The following ZZZ3 variants were observed in gnomAD, a reference collection of about 807,000 sequenced individuals.
The protein encoded by ZZZ3 is ZZ-type zinc finger-containing protein 3.
Under a neutral mutation model 95.2 loss-of-function variants are expected in ZZZ3, and 22 were observed. The ratio of observed to expected loss-of-function variants is 0.23; its 90% CI spans 0.17 to 0.33. The LOEUF (loss-of-function observed/expected upper bound fraction) is 0.33, where lower values mean the gene tolerates loss of function less well. Ranked by LOEUF, ZZZ3 falls within the 10% of genes least tolerant of loss-of-function variation. The pLI is 1.00. For missense variants in ZZZ3, 885 were observed against 1,066.5 expected (o/e 0.83, Z 2.37); for synonymous variants, 335 against 358.9 (o/e 0.93, Z 0.75).
intron 12 of ZZZ3, among the ~76,000 whole-genome samples, chr1:77,570,789 GTAGC>G (rs1661306504): frequency 6.7e-6 from 1 of 149,858 alleles, no homozygotes; most frequent in Non-Finnish European, 1.5e-5. Flanking sequence ...AGCCTCCTCA[GTAGC>G]TGAGATGACA....
intron 1 of ZZZ3, among the ~76,000 whole-genome samples, chr1:77,658,178 CAAAAAAAAAAA>C (rs1186224710): frequency 6.6e-5 from 5 of 76,314 alleles, no homozygotes; most frequent in East Asian, 4.4e-4. Context: ...GACTTTGTCT[CAAAAAAAAAAA>C]AAAAAAAAAA....
At chr1:77,676,751 T>C (rs562111160) in intron 1 of ZZZ3, among the ~76,000 whole-genome samples, 1 of 152,088 alleles carries the variant, frequency 6.6e-6, no homozygotes, top group South Asian at 2.1e-4. Context: ...TTCTTAAGGC[T>C]TGGGGTAAAA....
chr1:77,679,650 CAA>C (rs1672572367), intron 1 of ZZZ3, among the ~76,000 whole-genome samples: 1 of 152,264 alleles, frequency 6.6e-6, no homozygotes, highest in South Asian at 2.1e-4. Context: ...GGAAAAAACT[CAA>C]GTGAGAATAA....
chr1:77,568,730 T>C, intron 12 of ZZZ3, among the ~76,000 whole-genome samples: 1 of 151,434 alleles, frequency 6.6e-6, no homozygotes, highest in Non-Finnish European at 1.5e-5. Flanking sequence ...CGGCCATGAT[T>C]ACCACCTCTG....
intron 3 of ZZZ3, chr1:77,641,120 A>C (rs1313928319): frequency 6.5e-6 from 1 of 153,866 alleles, no homozygotes; most frequent in African/African-American, 2.4e-5. Context: ...CTTTGTACCA[A>C]ACACTGAAGC....
chr1:77,629,077 C>G (rs1211039673), intron 5 of ZZZ3, among the ~76,000 whole-genome samples: 1 of 152,124 alleles, frequency 6.6e-6, no homozygotes, highest in Non-Finnish European at 1.5e-5. Flanking sequence ...AGACAGGTGT[C>G]ATGATGCTAC....
At chr1:77,665,371 G>C (rs376263690) in intron 1 of ZZZ3, among the ~76,000 whole-genome samples, 11 of 152,134 alleles carry the variant, frequency 7.2e-5, no homozygotes, top group African/African-American at 2.2e-4. Context: ...TGGACATAAA[G>C]TATGTCACAG....
intron 5 of ZZZ3, among the ~76,000 whole-genome samples, chr1:77,629,035 T>G (rs886616857): frequency 1.3e-5 from 2 of 152,190 alleles, no homozygotes; most frequent in Non-Finnish European, 2.9e-5. Flanking sequence ...ATTTTCAAAC[T>G]GCCAGAAATT....
At chr1:77,609,169 C>T (rs777538391) in intron 5 of ZZZ3, among the ~76,000 whole-genome samples, 23 of 151,944 alleles carry the variant, frequency 1.5e-4, no homozygotes, top group Non-Finnish European at 2.4e-4. Context: ...GACAGACATA[C>T]ACTGAAAATA....
intron 5 of ZZZ3, among the ~76,000 whole-genome samples, chr1:77,630,016 A>G (rs1667654311): frequency 6.6e-6 from 1 of 152,254 alleles, no homozygotes; most frequent in African/African-American, 2.4e-5. Flanking sequence ...ATTACTAGAA[A>G]AAAAATTTCC....
intron 5 of ZZZ3, among the ~76,000 whole-genome samples, chr1:77,592,919 G>A (rs986090745): frequency 1.3e-5 from 2 of 152,242 alleles, no homozygotes; most frequent in Non-Finnish European, 2.9e-5. Context: ...GAGTTATTAC[G>A]AGGTAAAGAT....
chr1:77,608,924 T>C (rs899641872), intron 5 of ZZZ3, among the ~76,000 whole-genome samples: 7 of 151,808 alleles, frequency 4.6e-5, no homozygotes, highest in African/African-American at 1.7e-4. Flanking sequence ...TGGTAGAAAT[T>C]AAATCACAAC....
intron 1 of ZZZ3, among the ~76,000 whole-genome samples, chr1:77,649,118 C>T (rs1304062942): frequency 6.6e-6 from 1 of 152,010 alleles, no homozygotes; most frequent in Non-Finnish European, 1.5e-5. Flanking sequence ...CAGAGCGAGA[C>T]TCCATCTCAA....
intron 5 of ZZZ3, among the ~76,000 whole-genome samples, chr1:77,629,802 G>T (rs1391677017): frequency 6.6e-6 from 1 of 152,048 alleles, no homozygotes; most frequent in Admixed American, 6.6e-5. Context: ...TATATCTTAA[G>T]GAACACATGA....
At chr1:77,680,382 C>T (rs1292147234) in intron 1 of ZZZ3, among the ~76,000 whole-genome samples, 4 of 152,184 alleles carry the variant, frequency 2.6e-5, no homozygotes, top group Non-Finnish European at 5.9e-5. Context: ...CTCTTTTCTC[C>T]CCAACTTGTC....
At chr1:77,643,207 T>C (rs1668948530) in intron 1 of ZZZ3, among the ~76,000 whole-genome samples, 1 of 152,158 alleles carries the variant, frequency 6.6e-6, no homozygotes, top group Admixed American at 6.6e-5. Context: ...AAGTATTTTT[T>C]AAGTTTAAAA....
chr1:77,619,983 A>G (rs1452304724), intron 5 of ZZZ3, among the ~76,000 whole-genome samples: 1 of 152,190 alleles, frequency 6.6e-6, no homozygotes, highest in African/African-American at 2.4e-5. Context: ...TACATCAACC[A>G]ACCAGACAGA....
chr1:77,572,803 A>C (rs952327051), intron 12 of ZZZ3, among the ~76,000 whole-genome samples: 1 of 151,572 alleles, frequency 6.6e-6, no homozygotes, highest in African/African-American at 2.4e-5. Context: ...TGCCAGGCTG[A>C]TAATTTTTTC....
In ZZZ3 at chr1:77,680,151, CTAAAG is replaced by C. The variant is rs142424498; in HGVS notation, c.-403+2429_-403+2433del. Among the ~76,000 whole-genome samples, 43 of 152,288 alleles carry C rather than the reference CTAAAG, an allele frequency of 2.8e-4. No individual in the cohort carries two copies. The East Asian group carries it at 8.1e-3, about 29-fold the overall frequency. On this transcript the variant is annotated intron_variant, in intron 1 of 14. Transcript: ENST00000370801. Reference sequence around the variant, plus strand: ...ATGTTATTTAACAGAATAGCTTTATCTAAAGTAAAGAATTCACAAGGTTTCAATTA... The same window carrying C: ...ATGTTATTTAACAGAATAGCTTTATCTAAAGAATTCACAAGGTTTCAATTA...
Sources: allele counts gnomAD v4.1 joint callset (sites outside exome capture counted in the v4.1 genomes callset), GRCh38; gene constraint gnomAD v4.1.1; transcripts MANE v1.5; gene names NCBI Gene and HGNC (gene_info 2026-07-23, HGNC 2026-07-21).